GPR63: variants seen among roughly 807,000 people sequenced by gnomAD.
The protein encoded by GPR63 is G protein-coupled receptor 63, also known as probable G protein-coupled receptor 63.
GPR63 carries 12 observed loss-of-function variants against 23.1 expected under a neutral mutation model. That is an observed-to-expected ratio of 0.52 (90% confidence interval 0.33 to 0.84). The LOEUF (loss-of-function observed/expected upper bound fraction) is 0.84, where lower values mean the gene tolerates loss of function less well. Ranked by LOEUF, GPR63 falls within the 40% of genes least tolerant of loss-of-function variation. GPR63 has a pLI of 0.02. For synonymous variants in GPR63, 172 were observed against 191.1 expected (o/e 0.90, Z 0.82); for missense variants, 472 against 515.6 (o/e 0.92, Z 0.82).
chr6:96,833,034 A>G (rs1340746006), intron 1 of GPR63, among the ~76,000 whole-genome samples: 3 of 150,588 alleles, frequency 2.0e-5, no homozygotes, highest in Non-Finnish European at 4.5e-5. Context: ...GAGAGAACAG[A>G]CTTTCTGCTA....
chr6:96,827,046 T>TAAAAAAAAAAAA (rs11461025), intron 1 of GPR63, among the ~76,000 whole-genome samples: 1 of 122,498 alleles, frequency 8.2e-6, no homozygotes, highest in Non-Finnish European at 1.7e-5. Flanking sequence ...GAACACAGTC[T>TAAAAAAAAAAAA]AAAAAAAAAA....
At chr6:96,833,007 C>A (rs1373988112) in intron 1 of GPR63, among the ~76,000 whole-genome samples, 2 of 152,038 alleles carry the variant, frequency 1.3e-5, no homozygotes, top group Non-Finnish European at 2.9e-5. Flanking sequence ...TGAAGAAGTG[C>A]TGAGTAGGAA....
At chr6:96,804,027 G>C (rs547517149) in intron 1 of GPR63, among the ~76,000 whole-genome samples, 1 of 152,150 alleles carries the variant, frequency 6.6e-6, no homozygotes, top group Non-Finnish European at 1.5e-5. Flanking sequence ...TGTAAAACTC[G>C]CGTATGGTAG....
At chr6:96,836,289 A>T (rs1182690267) in intron 1 of GPR63, among the ~76,000 whole-genome samples, 1 of 152,216 alleles carries the variant, frequency 6.6e-6, no homozygotes, top group Non-Finnish European at 1.5e-5. Flanking sequence ...AGAATGTCTG[A>T]AGCAGTATCA....
At chr6:96,821,633 A>C (rs768231414) in intron 1 of GPR63, among the ~76,000 whole-genome samples, 2 of 152,124 alleles carry the variant, frequency 1.3e-5, no homozygotes, top group Non-Finnish European at 2.9e-5. Context: ...AATCTGACTT[A>C]CTTGTTTTTC....
intron 1 of GPR63, among the ~76,000 whole-genome samples, chr6:96,834,144 C>A (rs1383141825): frequency 6.6e-6 from 1 of 152,154 alleles, no homozygotes; most frequent in Non-Finnish European, 1.5e-5. Context: ...GGCTAGAATG[C>A]ATTTTATCCT....
At chr6:96,833,752 A>G (rs756938995) in intron 1 of GPR63, among the ~76,000 whole-genome samples, 11 of 152,238 alleles carry the variant, frequency 7.2e-5, no homozygotes, top group Non-Finnish European at 1.6e-4. Context: ...AATGATGTTA[A>G]GAATTTGAAA....
chr6:96,831,607 G>A (rs1774582160), intron 1 of GPR63, among the ~76,000 whole-genome samples: 1 of 152,100 alleles, frequency 6.6e-6, no homozygotes, highest in African/African-American at 2.4e-5. Flanking sequence ...CCATAGGTAT[G>A]TATAAAAATT....
At chr6:96,804,613 A>T (rs1337231548) in intron 1 of GPR63, among the ~76,000 whole-genome samples, 1 of 152,086 alleles carries the variant, frequency 6.6e-6, no homozygotes, top group Non-Finnish European at 1.5e-5. Context: ...AATCTTCACC[A>T]CCCCATTCCT....
intron 1 of GPR63, among the ~76,000 whole-genome samples, chr6:96,811,837 AAAATAAAT>A (rs199649144): frequency 0.44 from 62,672 of 141,752 alleles, 14,094 homozygotes; most frequent in East Asian, 0.65. Context: ...TATTTCATTA[AAAATAAAT>A]AAATAAATAA....
Position 96,798,477 on chromosome 6 carries a change from C to T in GPR63, c.1255G>A (p.Val419Met). 6.2e-7 allele frequency: 1 copy of T among 1,611,440 alleles called. No homozygotes were observed. Residue 419 changes from valine (V) to methionine (M), a missense_variant, in exon 2 of 2, where the codon GTG becomes ATG. Physicochemically the swap from Val to Met is conservative, Grantham distance 21 (BLOSUM62 1). Coordinates refer to ENST00000229955, the MANE Select transcript of GPR63 (RefSeq NM_030784.4). ...VYVCGEHRTV[V>M] ...ATGTCAGCCAGTTCCAATATTCACACCACCGTCCGATGTTCCCCACACACA... is the reference window on the plus strand; with the variant it reads ...ATGTCAGCCAGTTCCAATATTCACATCACCGTCCGATGTTCCCCACACACA...
At chr6:96,801,108 G>T (rs954894399) in intron 1 of GPR63, among the ~76,000 whole-genome samples, 6 of 152,058 alleles carry the variant, frequency 3.9e-5, no homozygotes, top group Non-Finnish European at 7.4e-5. Context: ...TTTCTGGCTA[G>T]ATTCCTTTAA....
intron 1 of GPR63, among the ~76,000 whole-genome samples, chr6:96,829,019 A>C (rs984540037): frequency 1.3e-5 from 2 of 152,262 alleles, no homozygotes; most frequent in East Asian, 3.8e-4. Context: ...ATAAAGTAAA[A>C]GGTGAATTAA....
intron 1 of GPR63, among the ~76,000 whole-genome samples, chr6:96,807,591 G>C: frequency 6.6e-6 from 1 of 152,062 alleles, no homozygotes; most frequent in Non-Finnish European, 1.5e-5. Context: ...ACATATCAGA[G>C]AAAAGTAATC....
At chr6:96,826,940 C>A (rs960286127) in intron 1 of GPR63, among the ~76,000 whole-genome samples, 2 of 151,424 alleles carry the variant, frequency 1.3e-5, no homozygotes, top group Non-Finnish European at 2.9e-5. Flanking sequence ...CAGTACAGCA[C>A]CCAAGCTAGC....
chr6:96,813,447 A>G (rs1204288886), intron 1 of GPR63, among the ~76,000 whole-genome samples: 1 of 152,144 alleles, frequency 6.6e-6, no homozygotes, highest in Non-Finnish European at 1.5e-5. Flanking sequence ...GAGCATGTTT[A>G]ATTTCCATAT....
chr6:96,813,573 A>T (rs1774094432), intron 1 of GPR63, among the ~76,000 whole-genome samples: 1 of 152,210 alleles, frequency 6.6e-6, no homozygotes, highest in Non-Finnish European at 1.5e-5. Flanking sequence ...GCATCCCAAC[A>T]CATGGTTTAT....
At chr6:96,802,220 A>G (rs986750018) in intron 1 of GPR63, among the ~76,000 whole-genome samples, 1 of 152,192 alleles carries the variant, frequency 6.6e-6, no homozygotes, top group Non-Finnish European at 1.5e-5. Flanking sequence ...TTAAAAGATG[A>G]CTTTTAACTT....
At chr6:96,815,346 C>T (rs905166467) in intron 1 of GPR63, among the ~76,000 whole-genome samples, 4 of 152,166 alleles carry the variant, frequency 2.6e-5, no homozygotes, top group Non-Finnish European at 5.9e-5. Context: ...GGCTCTGATT[C>T]TACTTATAGG....
Sources: gnomAD v4.1 joint callset for allele counts (sites outside exome capture counted in the v4.1 genomes callset) on GRCh38, gnomAD v4.1.1 for gene constraint, MANE v1.5 for transcripts, NCBI Gene and HGNC (gene_info 2026-07-23, HGNC 2026-07-21) for gene names.